The following DCLK3 variants were observed in gnomAD, a reference collection of about 807,000 sequenced individuals.
DCLK3 encodes serine/threonine-protein kinase DCLK3.
In DCLK3, 30 loss-of-function variants were observed where a neutral mutation model predicts 46.4. The observed-to-expected ratio is 0.65, with a 90% CI of 0.48 to 0.88. The LOEUF (loss-of-function observed/expected upper bound fraction) is 0.88. Among genes scored for constraint, DCLK3 ranks in the 40% least tolerant of loss-of-function variants. The probability of loss-of-function intolerance (pLI) is 0.00; values close to 1 mark genes in which losing one functional copy is unlikely to be tolerated. For missense variants in DCLK3, 846 were observed against 907.1 expected (o/e 0.93, Z 0.87); for synonymous variants, 401 against 339.2 (o/e 1.18, Z -2.00).
At chr3:36,751,063 T>TAAAAAAAAAAAAA (rs5847933) in intron 1 of DCLK3, among the ~76,000 whole-genome samples, 1,128 of 76,382 alleles carry the variant, frequency 0.015, 230 homozygotes, top group South Asian at 0.027. Context: ...CGGGATGATC[T>TAAAAAAAAAAAAA]AAAAAAAAAA....
At chr3:36,731,151 C>T (rs1333824110) in intron 2 of DCLK3, among the ~76,000 whole-genome samples, 4 of 152,180 alleles carry the variant, frequency 2.6e-5, no homozygotes, top group African/African-American at 7.2e-5. Flanking sequence ...AGGTGGCCAG[C>T]CCAGCTGATG....
chr3:36,755,716 C>A (rs969210386), intron 1 of DCLK3, among the ~76,000 whole-genome samples: 2 of 152,032 alleles, frequency 1.3e-5, no homozygotes, highest in Non-Finnish European at 1.5e-5. Flanking sequence ...GATGGGCTGA[C>A]ATCAGTGGTG....
In DCLK3 at chr3:36,738,783, G is replaced by A; in HGVS notation, c.384C>T (p.Asp128=). The A allele has an allele frequency of 8.2e-7, 1 of 1,214,156 alleles. No individual in the cohort carries two copies. The highest frequency in any genetic ancestry group is 2.8e-5 in the East Asian group (1 of 35,260). 75.2% of individuals were successfully genotyped at this position (1,214,156 alleles called of 1,614,324 possible). The part of the protein sequence containing the change: ...SVQTFEQLLA[D]ISEALGSPRW... ...TGGGAGAGCCCAAGGCTTCTGAGAT[G>A]TCAGCTAAGAGCTGCTCGAACGTCT... Residue 128 remains aspartate (D), a synonymous_variant, in exon 2 of 5, where the codon GAC becomes GAT. Transcript: ENST00000636136.
In DCLK3 at chr3:36,715,081, C is replaced by T. The variant is rs1477038175; in HGVS notation, c.*247G>A. Reference sequence around the variant, plus strand: ...AAAACACATCATTATTACCAAAATTCCTCACTGATGACAATGCTTACCCCC... The same window carrying T: ...AAAACACATCATTATTACCAAAATTTCTCACTGATGACAATGCTTACCCCC... On this transcript the variant is annotated 3_prime_UTR_variant, in exon 5 of 5. Transcript: ENST00000636136. 8.8e-6 allele frequency: 4 copies of T among 454,318 alleles called. No homozygotes were observed. Among genetic ancestry groups the T allele is most frequent in the South Asian group, 3.0e-5 (1 of 33,834 alleles). The allele number at this position is 454,318 out of a possible 1,614,324, so 28.1% of individuals were successfully genotyped here.
intron 1 of DCLK3, among the ~76,000 whole-genome samples, chr3:36,742,446 G>A (rs1347628147): frequency 1.3e-5 from 2 of 152,190 alleles, no homozygotes; most frequent in Non-Finnish European, 2.9e-5. Context: ...AGGGCATGGC[G>A]TAAAAGGATG....
Position 36,725,242 on chromosome 3 carries a change from G to A in DCLK3, c.1960-3583C>T, listed in dbSNP as rs535356170. ...CAGAAGAATAGCGTGAACCCAGGAG[G>A]CGGAGCTTGAAGTGAGCTGAGCTCG... On this transcript the variant is annotated intron_variant, in intron 2 of 4. Transcript: ENST00000636136. 3.2e-4 allele frequency among the ~76,000 whole-genome samples: 48 copies of A among 152,176 alleles called. No individual in the cohort carries two copies. In the South Asian group the frequency reaches 9.7e-3, roughly 31 times the overall value.
chr3:36,716,835 C>A (rs894270932), intron 4 of DCLK3, among the ~76,000 whole-genome samples: 1 of 152,224 alleles, frequency 6.6e-6, no homozygotes, highest in Non-Finnish European at 1.5e-5. Context: ...ACAGGGGCCA[C>A]CCATGCCCAA....
In DCLK3 at chr3:36,721,647, C is replaced by T; in HGVS notation, c.1972G>A (p.Glu658Lys). ...AATTTCAAGGTAGTAGATTTGTCCT[C>T]ATTTCGCTGAACCTGTAAGAAACCA... ...KPENLLVQRN[E>K]DKSTTLKLAD... Residue 658 changes from glutamate (E) to lysine (K), a missense_variant, in exon 3 of 5, where the codon GAG becomes AAG. Physicochemically the swap from Glu to Lys is moderately conservative, Grantham distance 56. Transcript: ENST00000636136. 4 of 1,614,146 alleles carry T rather than the reference C, an allele frequency of 2.5e-6. No homozygotes were observed. The highest frequency in any genetic ancestry group is 2.5e-6 in the Non-Finnish European group (3 of 1,180,012).
intron 1 of DCLK3, among the ~76,000 whole-genome samples, chr3:36,751,084 A>C (rs959561389): frequency 6.6e-6 from 1 of 151,520 alleles, no homozygotes; most frequent in Non-Finnish European, 1.5e-5. Context: ...AAAAAAAAAA[A>C]AACTCCCCGA....
At chr3:36,762,340 G>C (rs1247090423) in intron 1 of DCLK3, among the ~76,000 whole-genome samples, 1 of 152,148 alleles carries the variant, frequency 6.6e-6, no homozygotes, top group African/African-American at 2.4e-5. Flanking sequence ...GGATTCCTTA[G>C]AATCAGATCC....
chr3:36,734,546 T>C (rs1472124875), intron 2 of DCLK3, among the ~76,000 whole-genome samples: 1 of 152,152 alleles, frequency 6.6e-6, no homozygotes, highest in African/African-American at 2.4e-5. Flanking sequence ...TATATACATA[T>C]ATATGTATGT....
At chr3:36,722,369 A>G (rs1027263942) in intron 2 of DCLK3, among the ~76,000 whole-genome samples, 1 of 152,238 alleles carries the variant, frequency 6.6e-6, no homozygotes, top group African/African-American at 2.4e-5. Context: ...GATTGCTTGT[A>G]TTAGGTTGGT....
chr3:36,736,587 C>T (rs193279974), intron 2 of DCLK3, among the ~76,000 whole-genome samples: 64 of 152,312 alleles, frequency 4.2e-4, no homozygotes, highest in African/African-American at 1.4e-3. Context: ...ACTCAAACTG[C>T]AGGCATCCTT....
In DCLK3 at chr3:36,737,646, G is replaced by C; in HGVS notation, c.1521C>G (p.Ser507Arg). 1 of 1,613,858 alleles carries C rather than the reference G, an allele frequency of 6.2e-7. No individual in the cohort carries two copies. Among genetic ancestry groups the C allele is most frequent in the Non-Finnish European group, 8.5e-7 (1 of 1,179,922 alleles). Reference protein sequence around the residue: ...RPEENKPERPSGRKPRPMGII... With the variant: ...RPEENKPERPRGRKPRPMGII... ...TGCCCATGGGCCGTGGCTTCCGACC[G>C]CTGGGCCGCTCTGGCTTGTTCTCTT... Residue 507 changes from serine to arginine, a missense_variant, in exon 2 of 5, where the codon AGC becomes AGG. This residue lies in a region of DCLK3 where 553 missense variants were observed against 543.0 expected (regional missense o/e 1.02). Coordinates refer to ENST00000636136, the MANE Select transcript of DCLK3 (RefSeq NM_001394672.2). The surrounding 1 kb of genome is among the most constrained non-coding windows in gnomAD (Gnocchi z 4.4).
rs555086452 is a variant in DCLK3 at position 36,760,921 on chromosome 3, C to G, written c.82+3261G>C. Among the ~76,000 whole-genome samples, 7 of 152,284 alleles carry G rather than the reference C, an allele frequency of 4.6e-5. No individual in the cohort carries two copies. In the East Asian group the frequency reaches 1.3e-3, roughly 29 times the overall value. On this transcript the variant is annotated intron_variant, in intron 1 of 4. Coordinates refer to ENST00000636136, the MANE Select transcript of DCLK3 (RefSeq NM_001394672.2). The stretch of plus-strand genomic sequence containing the variant: ...ATGCCCATTTTACCAATAAGGAAAC[C>G]GAGGCTCAGAGTAGTTGGGTATCTC...
At chr3:36,716,772 C>A (rs559707727) in intron 4 of DCLK3, among the ~76,000 whole-genome samples, 3 of 152,340 alleles carry the variant, frequency 2.0e-5, no homozygotes, top group South Asian at 4.1e-4. Context: ...ATCCCCTAGG[C>A]CCCATACTCT....
In DCLK3 at chr3:36,738,092, T is replaced by C; in HGVS notation, c.1075A>G (p.Asn359Asp). The C allele has an allele frequency of 2.5e-6, 4 of 1,613,604 alleles. No individual in the cohort carries two copies. The highest frequency in any genetic ancestry group is 1.1e-5 in the South Asian group (1 of 90,890). Residue 359 changes from asparagine to aspartate, a missense_variant, in exon 2 of 5, where the codon AAT (asparagine) becomes GAT (aspartate). This residue lies in a region of DCLK3 where 553 missense variants were observed against 543.0 expected (regional missense o/e 1.02). Coordinates refer to ENST00000636136, the MANE Select transcript of DCLK3 (RefSeq NM_001394672.2). ...TRSCRRSPEANPASGEEGWKG... is the reference protein window; with the variant it reads ...TRSCRRSPEADPASGEEGWKG... ...CACCCTTCCTCCCCACTTGCAGGAT[T>C]TGCCTCGGGAGACCTCCTGCAGCTT...
At position 36,713,529 on chromosome 3, in the gene DCLK3, C is replaced by T. The variant is rs1429361183; in HGVS notation, c.*1799G>A. 3.9e-5 allele frequency: 6 copies of T among 152,198 alleles called. No individual in the cohort carries two copies. The highest frequency in any genetic ancestry group is 1.4e-4 in the African/African-American group (6 of 41,438). The allele number at this position is 152,198 out of a possible 1,614,324, so 9.4% of individuals were successfully genotyped here. A position where few individuals can be genotyped will look rare whatever the true frequency, so the allele number is the denominator to read the frequency against. On this transcript the variant is annotated 3_prime_UTR_variant, in exon 5 of 5. Coordinates refer to ENST00000636136, the MANE Select transcript of DCLK3 (RefSeq NM_001394672.2). ...CTCCTCAGGGGTCTGAGTCCCTGCT[C>T]CACAGGGCCCCTTCTCCAAGCTTCT...
chr3:36,742,138 T>G (rs909306982), intron 1 of DCLK3, among the ~76,000 whole-genome samples: 1 of 152,166 alleles, frequency 6.6e-6, no homozygotes, highest in African/African-American at 2.4e-5. Context: ...TAATGGGCTT[T>G]ATGTATTGAG....
Sources: allele counts gnomAD v4.1 joint callset (sites outside exome capture counted in the v4.1 genomes callset), GRCh38; gene constraint gnomAD v4.1.1; regional missense constraint gnomAD v4.1.1; non-coding constraint Gnocchi (gnomAD v3.1); transcripts MANE v1.5; gene names NCBI Gene and HGNC (gene_info 2026-07-23, HGNC 2026-07-21).